SMPX: variants seen among roughly 807,000 people sequenced by gnomAD.
SMPX encodes the protein small muscular protein.
Under a neutral mutation model 6.3 loss-of-function variants are expected in SMPX, and 2 were observed. That is an observed-to-expected ratio of 0.32 (90% CI 0.13 to 0.99). The LOEUF is 0.99. SMPX is among the 50% of genes least tolerant of loss of function. SMPX has a pLI of 0.49. For missense variants in SMPX, 60 were observed against 66.8 expected (o/e 0.90, Z 0.36); for synonymous variants, 32 against 24.7 (o/e 1.30, Z -0.88).
chrX:21,742,183 T>A (rs1486071347), intron 3 of SMPX, among the ~76,000 whole-genome samples: 3 of 111,885 alleles, frequency 2.7e-5, no homozygotes, highest in African/African-American at 9.8e-5. Flanking sequence ...AGACACAGTT[T>A]AAGAGGAAGC....
intron 3 of SMPX, among the ~76,000 whole-genome samples, chrX:21,741,323 T>C (rs2092815827): frequency 8.9e-6 from 1 of 112,436 alleles, no homozygotes; most frequent in African/African-American, 3.2e-5. Context: ...ATTATCCTCA[T>C]GCAAGGCTAG....
At chrX:21,749,152 C>T (rs1327173328) in intron 2 of SMPX, among the ~76,000 whole-genome samples, 1 of 112,037 alleles carries the variant, frequency 8.9e-6, no homozygotes. Context: ...TGGAAAACTT[C>T]CCATGCTAAG....
intron 3 of SMPX, among the ~76,000 whole-genome samples, chrX:21,741,236 T>G (rs1197089069): frequency 8.9e-6 from 1 of 112,242 alleles, no homozygotes; most frequent in East Asian, 2.8e-4. Flanking sequence ...CTTCTGAGTT[T>G]AGATGGGGAA....
chrX:21,711,972 A>C lies in SMPX; in HGVS notation c.*15-5578T>G, dbSNP rs184317345. Among the ~76,000 whole-genome samples, 24 of 111,872 alleles carry C rather than the reference A, an allele frequency of 2.1e-4. No homozygotes were observed. In the East Asian group the frequency reaches 6.2e-3, roughly 29 times the overall value. Reference sequence around the variant, plus strand: ...AAGTCTTCTAGAGTTTACAGAGCACATTCACACATATTGTCCCTTTTACTC... The same window carrying C: ...AAGTCTTCTAGAGTTTACAGAGCACCTTCACACATATTGTCCCTTTTACTC... On this transcript the variant is annotated intron_variant, in intron 4 of 4. Transcript: ENST00000379494.
intron 2 of SMPX, among the ~76,000 whole-genome samples, chrX:21,753,354 G>C (rs2092829482): frequency 8.9e-6 from 1 of 111,749 alleles, no homozygotes; most frequent in Non-Finnish European, 1.9e-5. Flanking sequence ...TGATGTGTTT[G>C]CAACCTGGCC....
chrX:21,730,644 A>G (rs1234961096), intron 4 of SMPX, among the ~76,000 whole-genome samples: 1 of 111,829 alleles, frequency 8.9e-6, no homozygotes, highest in Non-Finnish European at 1.9e-5. Flanking sequence ...AGTCTTCACA[A>G]CCCCAGATCA....
intron 2 of SMPX, among the ~76,000 whole-genome samples, chrX:21,747,427 T>C (rs1348124135): frequency 3.6e-5 from 4 of 111,977 alleles, no homozygotes; most frequent in Non-Finnish European, 5.6e-5. Flanking sequence ...AAGACCTATC[T>C]GATGTGAAAT....
chrX:21,744,189 G>T (rs771697492), intron 2 of SMPX, among the ~76,000 whole-genome samples: 2 of 111,715 alleles, frequency 1.8e-5, no homozygotes, highest in Admixed American at 1.9e-4. Context: ...AACACATAAT[G>T]ACAGGCAAGG....
At chrX:21,751,205 T>C (rs1316890337) in intron 2 of SMPX, among the ~76,000 whole-genome samples, 13 of 112,420 alleles carry the variant, frequency 1.2e-4, no homozygotes, top group Non-Finnish European at 3.8e-5. Context: ...AAACATTGCA[T>C]ATGTTTCTGC....
At chrX:21,730,209 T>C in intron 4 of SMPX, among the ~76,000 whole-genome samples, 1 of 111,699 alleles carries the variant, frequency 9.0e-6, no homozygotes, top group Non-Finnish European at 1.9e-5. Flanking sequence ...AGAGAAGACA[T>C]TTGGAGAAGT....
At chrX:21,707,053 A>G (rs931249002) in intron 4 of SMPX, among the ~76,000 whole-genome samples, 2 of 108,344 alleles carry the variant, frequency 1.8e-5, no homozygotes, top group Non-Finnish European at 3.8e-5. Context: ...CCTCTTATGT[A>G]TCTGAAATTC....
chrX:21,706,169 C>A lies in SMPX; in HGVS notation c.*240G>T. ...AAAATCATATCCCTCCTCAAAACCA[C>A]ACCCTCCAGGTGTTGAATTTATGGG... On this transcript the variant is annotated 3_prime_UTR_variant, in exon 5 of 5. Coordinates refer to ENST00000379494, the MANE Select transcript of SMPX (RefSeq NM_014332.3). 2.0e-6 allele frequency: 1 copy of A among 512,150 alleles called. No homozygotes were observed. The highest frequency in any genetic ancestry group is 2.5e-5 in the South Asian group (1 of 40,585). The allele number at this position is 512,150 out of a possible 1,213,427, so 42.2% of individuals were successfully genotyped here.
At chrX:21,726,475 T>A (rs762114424) in intron 4 of SMPX, among the ~76,000 whole-genome samples, 9 of 112,672 alleles carry the variant, frequency 8.0e-5, no homozygotes, top group Non-Finnish European at 1.5e-4. Flanking sequence ...GACTCACTGC[T>A]AATAGATAGG....
intron 2 of SMPX, among the ~76,000 whole-genome samples, chrX:21,745,970 GC>G (rs1472088022): frequency 9.0e-6 from 1 of 111,494 alleles, no homozygotes. Flanking sequence ...TTAGTGATGC[GC>G]CCCCATGTGG....
chrX:21,731,509 T>TGTGTGTATGTGTACACATACACATA (rs2092803801), intron 4 of SMPX, among the ~76,000 whole-genome samples: 1 of 53,804 alleles, frequency 1.9e-5, no homozygotes, highest in African/African-American at 6.8e-5. Flanking sequence ...ACATACACAT[T>TGTGTGTATGTGTACACATACACATA]ATGTGTGTAT....
chrX:21,728,703 G>A (rs1024273806), intron 4 of SMPX, among the ~76,000 whole-genome samples: 1 of 112,446 alleles, frequency 8.9e-6, no homozygotes, highest in Non-Finnish European at 1.9e-5. Context: ...TAAAAGGACT[G>A]GCTGTTTAGT....
chrX:21,741,561 T>C (rs769094401), intron 3 of SMPX, among the ~76,000 whole-genome samples: 1 of 111,548 alleles, frequency 9.0e-6, no homozygotes, highest in African/African-American at 3.3e-5. Flanking sequence ...CAATGTTGTC[T>C]TCATAAGAAA....
At chrX:21,752,416 C>T (rs1447449940) in intron 2 of SMPX, among the ~76,000 whole-genome samples, 1 of 112,023 alleles carries the variant, frequency 8.9e-6, no homozygotes, top group Admixed American at 9.4e-5. Context: ...GATATTACTT[C>T]TCACAACTTT....
Position 21,748,342 on chromosome X carries a change from C to T in SMPX, c.46-4506G>A, listed in dbSNP as rs766807902. 6.3e-5 allele frequency among the ~76,000 whole-genome samples: 7 copies of T among 111,859 alleles called. No homozygotes were observed. The South Asian group carries it at 2.6e-3, about 42-fold the overall frequency. On this transcript the variant is annotated intron_variant, in intron 2 of 4. Coordinates refer to ENST00000379494, the MANE Select transcript of SMPX (RefSeq NM_014332.3). The stretch of plus-strand genomic sequence containing the variant: ...TATTGAAAATGTTTTTATTTTTGCT[C>T]TGTTCTCAACACTTTTTTGTTCCCT...
Sources: gnomAD v4.1 joint callset for allele counts (sites outside exome capture counted in the v4.1 genomes callset) on GRCh38, gnomAD v4.1.1 for gene constraint, MANE v1.5 for transcripts, NCBI Gene and HGNC (gene_info 2026-07-23, HGNC 2026-07-21) for gene names.